CACNB2: variants seen among roughly 807,000 people sequenced by gnomAD.
The protein encoded by CACNB2 is voltage-dependent L-type calcium channel subunit beta-2.
CACNB2 carries 42 observed loss-of-function variants against 73.3 expected under a neutral mutation model. That is an observed-to-expected ratio of 0.57 (90% CI 0.45 to 0.74). The LOEUF is 0.74. CACNB2 is among the 30% of genes least tolerant of loss of function. CACNB2 has a pLI of 0.00. For missense variants in CACNB2, 940 were observed against 853.0 expected (o/e 1.10, Z -1.27); for synonymous variants, 348 against 310.3 (o/e 1.12, Z -1.28).
intron 2 of CACNB2, among the ~76,000 whole-genome samples, chr10:18,172,498 A>T (rs1055944919): frequency 4.6e-5 from 7 of 151,574 alleles, no homozygotes; most frequent in African/African-American, 1.7e-4. Context: ...TTTTTTTGTA[A>T]TTTTTTTTCA....
intron 2 of CACNB2, among the ~76,000 whole-genome samples, chr10:18,343,291 T>C (rs1589092297): frequency 6.6e-6 from 1 of 152,280 alleles, no homozygotes; most frequent in South Asian, 2.1e-4. Flanking sequence ...ATAACAATGA[T>C]CTCTCTGATT....
At chr10:18,193,394 G>C (rs1032387788) in intron 2 of CACNB2, among the ~76,000 whole-genome samples, 3 of 152,028 alleles carry the variant, frequency 2.0e-5, no homozygotes, top group Non-Finnish European at 4.4e-5. Context: ...GCCATCCTGT[G>C]GGTGTGAAGT....
rs143189178 is a variant in CACNB2 at position 18,496,481 on chromosome 10, C to G, written c.334-1874C>G. The stretch of plus-strand genomic sequence containing the variant: ...AGAGAGCGCATTGAATAGGGAGAAA[C>G]TGCTCCCTTCTCCTGAGAGGTCGAA... On this transcript the variant is annotated intron_variant, in intron 3 of 13. Coordinates refer to ENST00000324631, the MANE Select transcript of CACNB2 (RefSeq NM_201596.3). Among the ~76,000 whole-genome samples, 85 of 152,274 alleles carry G rather than the reference C, an allele frequency of 5.6e-4. 1 individual carries two copies. The East Asian group carries it at 0.012, about 22-fold the overall frequency.
chr10:18,439,320 C>G (rs981200832), intron 3 of CACNB2, among the ~76,000 whole-genome samples: 1 of 152,172 alleles, frequency 6.6e-6, no homozygotes, highest in South Asian at 2.1e-4. Flanking sequence ...CATGCCAACT[C>G]ACCATCTCCA....
chr10:18,449,410 A>C (rs527311612), intron 3 of CACNB2, among the ~76,000 whole-genome samples: 3 of 152,174 alleles, frequency 2.0e-5, no homozygotes, highest in Admixed American at 2.0e-4. Context: ...TAAAACACAC[A>C]ACAACAAAAA....
chr10:18,319,426 A>G (rs1405529930), intron 2 of CACNB2, among the ~76,000 whole-genome samples: 1 of 152,004 alleles, frequency 6.6e-6, no homozygotes, highest in Admixed American at 6.6e-5. Flanking sequence ...GGAGGGGACC[A>G]ACCCACACCA....
At chr10:18,433,632 G>A (rs1273646545) in intron 3 of CACNB2, among the ~76,000 whole-genome samples, 1 of 152,004 alleles carries the variant, frequency 6.6e-6, no homozygotes, top group Non-Finnish European at 1.5e-5. Context: ...GTAATGAAAT[G>A]ATGGGTCTGT....
At chr10:18,538,066 C>T in intron 12 of CACNB2, 114 bp from the exon 13 acceptor site, 1 of 953,852 alleles carries the variant, frequency 1.0e-6, no homozygotes, top group East Asian at 2.4e-5. Context: ...CTTATAGAAG[C>T]AGGAGCAAGT....
intron 2 of CACNB2, among the ~76,000 whole-genome samples, chr10:18,297,920 T>C (rs572308309): frequency 6.6e-6 from 1 of 152,224 alleles, no homozygotes. Flanking sequence ...CTGACGATCA[T>C]GGAGTGAAGG....
rs142199060 is a variant in CACNB2 at position 18,397,815 on chromosome 10, T to G, written c.214-4109T>G. Among the ~76,000 whole-genome samples, 7 of 151,196 alleles carry G rather than the reference T, an allele frequency of 4.6e-5. No homozygotes were observed. The East Asian group carries it at 1.4e-3, about 29-fold the overall frequency. On this transcript the variant is annotated intron_variant, in intron 2 of 13. Transcript: ENST00000324631. ...TGATATGCAATTTTCCTATGAGCAA[T>G]GAACCCACAAAGTGAGAGCTCTAAG...
chr10:18,171,525 A>G (rs2033233650), intron 2 of CACNB2, among the ~76,000 whole-genome samples: 3 of 104,636 alleles, frequency 2.9e-5, no homozygotes, highest in African/African-American at 8.2e-5. Flanking sequence ...ATAGCAGAAA[A>G]AAAAAAAAAA....
chr10:18,282,926 AAAGGGC>A (rs2038616596), intron 2 of CACNB2, among the ~76,000 whole-genome samples: 1 of 152,252 alleles, frequency 6.6e-6, no homozygotes, highest in African/African-American at 2.4e-5. Context: ...CCCATCTGAC[AAAGGGC>A]TAATATCCAG....
At chr10:18,227,236 C>A (rs1248526077) in intron 2 of CACNB2, among the ~76,000 whole-genome samples, 1 of 151,944 alleles carries the variant, frequency 6.6e-6, no homozygotes, top group Non-Finnish European at 1.5e-5. Flanking sequence ...AGGGGCAGTG[C>A]CTTCTGTACC....
chr10:18,236,683 C>A (rs900175101), intron 2 of CACNB2, among the ~76,000 whole-genome samples: 4 of 152,114 alleles, frequency 2.6e-5, no homozygotes, highest in African/African-American at 9.7e-5. Context: ...AAGTAGTTCC[C>A]CCAAAATGAC....
Position 18,539,247 on chromosome 10 carries a change from G to A in CACNB2, c.1506G>A (p.Gln502=), listed in dbSNP as rs1160764986. The A allele has an allele frequency of 1.2e-6, 2 of 1,613,904 alleles. No homozygotes were observed. The highest frequency in any genetic ancestry group is 8.5e-7 in the Non-Finnish European group (1 of 1,180,004). Residue 502 remains glutamine, a synonymous_variant, in exon 14 of 14, where the codon CAG becomes CAA. Coordinates refer to ENST00000324631, the MANE Select transcript of CACNB2 (RefSeq NM_201596.3). ...ASNSQGSQGD[Q]RTDRSAPIRS... ...GCTGCCAGGGTTCTCAAGGTGATCAGAGGACTGATCGCTCCGCTCCTATCC... is the reference window on the plus strand; with the variant it reads ...GCTGCCAGGGTTCTCAAGGTGATCAAAGGACTGATCGCTCCGCTCCTATCC...
chr10:18,195,300 G>A (rs947519406), intron 2 of CACNB2, among the ~76,000 whole-genome samples: 7 of 152,156 alleles, frequency 4.6e-5, no homozygotes, highest in African/African-American at 1.2e-4. Flanking sequence ...TGCTTCAAAC[G>A]GAAGCGCCCA....
At chr10:18,506,351 A>G (rs2050489465) in intron 5 of CACNB2, 120 bp from the exon 6 acceptor site, 1 of 704,670 alleles carries the variant, frequency 1.4e-6, no homozygotes, top group Non-Finnish European at 2.6e-6. Context: ...TTTCCTCCTT[A>G]AATGAAAGAT....
chr10:18,230,843 C>CTTTT (rs5783590), intron 2 of CACNB2, among the ~76,000 whole-genome samples: 15 of 146,724 alleles, frequency 1.0e-4, no homozygotes, highest in African/African-American at 3.8e-4. Flanking sequence ...TTTTTTGTAG[C>CTTTT]TTTTTTTTTT....
Position 18,208,041 on chromosome 10 carries a change from C to T in CACNB2, c.213+57066C>T, listed in dbSNP as rs558022128. 3.0e-4 allele frequency among the ~76,000 whole-genome samples: 46 copies of T among 152,256 alleles called. 1 individual carries two copies. The highest frequency in any genetic ancestry group is 9.9e-4 in the African/African-American group (41 of 41,562). On this transcript the variant is annotated intron_variant, in intron 2 of 13. Transcript: ENST00000324631. The stretch of plus-strand genomic sequence containing the variant: ...TTAAACCCTGAATTTTAGAAACCTA[C>T]GAATATTAGTTGCATCTTTCTTGTC...
Sources: allele counts gnomAD v4.1 joint callset (sites outside exome capture counted in the v4.1 genomes callset), GRCh38; gene constraint gnomAD v4.1.1; transcripts MANE v1.5; gene names NCBI Gene and HGNC (gene_info 2026-07-23, HGNC 2026-07-21).